The following WDFY3 variants were observed in gnomAD, a reference collection of about 807,000 sequenced individuals.
WDFY3 encodes the protein WD repeat and FYVE domain containing 3, also known as WD repeat and FYVE domain-containing protein 3.
A neutral mutation model predicts 409.6 loss-of-function variants in WDFY3; 66 were observed. The observed-to-expected ratio is 0.16, with a 90% confidence interval of 0.13 to 0.20. The LOEUF (loss-of-function observed/expected upper bound fraction) is 0.20. WDFY3 is among the 10% of genes least tolerant of loss of function. The probability of loss-of-function intolerance (pLI) is 1.00; values close to 1 mark genes in which losing one functional copy is unlikely to be tolerated. For missense variants in WDFY3, 3,031 were observed against 4,298.1 expected, an observed-to-expected ratio of 0.71 and a Z score of 8.24; for synonymous variants, 1,521 against 1,537.1, an observed-to-expected ratio of 0.99 and a Z score of 0.25.
intron 50 of WDFY3, among the ~76,000 whole-genome samples, chr4:84,714,208 C>T (rs1188822184): frequency 6.6e-6 from 1 of 152,118 alleles, no homozygotes; most frequent in Non-Finnish European, 1.5e-5. Context: ...ACAACCTTGA[C>T]CTCCTGGGCT....
At chr4:84,682,172 C>T (rs1002774635) in intron 64 of WDFY3, among the ~76,000 whole-genome samples, 1 of 152,210 alleles carries the variant, frequency 6.6e-6, no homozygotes, top group Non-Finnish European at 1.5e-5. Context: ...CCACAAGACA[C>T]CACTACACTG....
chr4:84,713,696 C>G (rs1031472105), intron 50 of WDFY3, among the ~76,000 whole-genome samples: 1 of 152,204 alleles, frequency 6.6e-6, no homozygotes, highest in African/African-American at 2.4e-5. Flanking sequence ...TTGCCAGGAT[C>G]TGTATCACCC....
At chr4:84,905,096 G>A (rs547288495) in intron 2 of WDFY3, among the ~76,000 whole-genome samples, 1 of 152,222 alleles carries the variant, frequency 6.6e-6, no homozygotes, top group Non-Finnish European at 1.5e-5. Context: ...AGCACTTTGG[G>A]AGGCCAAGGC....
intron 1 of WDFY3, among the ~76,000 whole-genome samples, chr4:84,958,609 T>G (rs1774534043): frequency 6.6e-6 from 1 of 152,074 alleles, no homozygotes. Flanking sequence ...CTTGGCATAC[T>G]TCAAAAGCTT....
intron 30 of WDFY3, among the ~76,000 whole-genome samples, chr4:84,771,157 A>G (rs929673763): frequency 6.6e-6 from 1 of 152,150 alleles, no homozygotes; most frequent in Non-Finnish European, 1.5e-5. Context: ...GTTTTTAGAG[A>G]CAGAGTCTCA....
At chr4:84,888,101 T>C (rs1172796777) in intron 3 of WDFY3, among the ~76,000 whole-genome samples, 1 of 152,208 alleles carries the variant, frequency 6.6e-6, no homozygotes, top group Non-Finnish European at 1.5e-5. Flanking sequence ...AACTACATTT[T>C]CTTTTCCTTT....
chr4:84,958,297 A>G (rs1336805784), intron 1 of WDFY3, among the ~76,000 whole-genome samples: 1 of 152,236 alleles, frequency 6.6e-6, no homozygotes, highest in Non-Finnish European at 1.5e-5. Flanking sequence ...TTCCATGTCC[A>G]CATGAACTAG....
chr4:84,704,601 A>T (rs1731611532), intron 54 of WDFY3, among the ~76,000 whole-genome samples, 157 bp from the exon 55 acceptor site: 1 of 152,220 alleles, frequency 6.6e-6, no homozygotes, highest in African/African-American at 2.4e-5. Flanking sequence ...TCAGGACACC[A>T]CTACCCCTCT....
intron 3 of WDFY3, among the ~76,000 whole-genome samples, chr4:84,885,533 T>C (rs1764104530): frequency 6.6e-6 from 1 of 151,840 alleles, no homozygotes; most frequent in Non-Finnish European, 1.5e-5. Flanking sequence ...ATTTAAAATA[T>C]CCAAAACTGA....
intron 32 of WDFY3, among the ~76,000 whole-genome samples, chr4:84,757,439 C>T (rs989070477): frequency 2.0e-5 from 3 of 152,226 alleles, no homozygotes; most frequent in South Asian, 4.1e-4. Flanking sequence ...TCTTAAGGTG[C>T]TGTAAGTTCT....
chr4:84,728,515 G>A (rs545125688), intron 44 of WDFY3, among the ~76,000 whole-genome samples: 5 of 152,112 alleles, frequency 3.3e-5, no homozygotes, highest in South Asian at 4.2e-4. Context: ...GCAACAGAGC[G>A]ATAACTTGTC....
chr4:84,915,252 G>A (rs564110706), intron 2 of WDFY3, among the ~76,000 whole-genome samples: 8 of 152,124 alleles, frequency 5.3e-5, no homozygotes, highest in South Asian at 2.1e-4. Flanking sequence ...ATAGATAGTG[G>A]TGATGGTTAC....
intron 56 of WDFY3, among the ~76,000 whole-genome samples, chr4:84,697,691 T>C (rs1227692538): frequency 6.6e-6 from 1 of 152,232 alleles, no homozygotes; most frequent in Non-Finnish European, 1.5e-5. Flanking sequence ...AGAGTTTTTA[T>C]AGATACAAAT....
intron 14 of WDFY3, chr4:84,809,613 A>C: frequency 3.1e-6 from 1 of 325,040 alleles, no homozygotes; most frequent in Non-Finnish European, 5.6e-6. Flanking sequence ...AAACACTATC[A>C]TTAAAGGAAA....
At chr4:84,850,162 T>C (rs760642435) in intron 4 of WDFY3, 137 bp from the exon 5 acceptor site, 139 of 859,276 alleles carry the variant, frequency 1.6e-4, no homozygotes, top group Admixed American at 3.6e-4. Flanking sequence ...TCTTAATATG[T>C]TGAAAATACA....
At chr4:84,956,584 A>T (rs753828798) in intron 1 of WDFY3, among the ~76,000 whole-genome samples, 1 of 152,224 alleles carries the variant, frequency 6.6e-6, no homozygotes, top group African/African-American at 2.4e-5. Context: ...ATTATTTTTT[A>T]AAATCCTCAC....
At chr4:84,922,805 G>A (rs1348728146) in intron 2 of WDFY3, among the ~76,000 whole-genome samples, 1 of 152,040 alleles carries the variant, frequency 6.6e-6, no homozygotes, top group Non-Finnish European at 1.5e-5. Context: ...GACTACAGGT[G>A]TGCACCACCA....
chr4:84,709,391 T>C lies in WDFY3; in HGVS notation c.8043-44A>G, dbSNP rs531270614. On this transcript the variant is annotated intron_variant, in intron 51 of 67. Transcript: ENST00000295888. ...ACAATAAATTACAAGCAATAAAATT[T>C]TAAATCTGAAAAATTATAAAGTTGA... 1.9e-6 allele frequency: 3 copies of C among 1,543,936 alleles called. No individual in the cohort carries two copies. In the East Asian group the frequency reaches 6.8e-5, roughly 35 times the overall value.
In WDFY3 at chr4:84,733,669, T is replaced by C. The variant is rs376254443; in HGVS notation, c.6994-60A>G. On this transcript the variant is annotated intron_variant, in intron 43 of 67. Transcript: ENST00000295888. ...AAAGCAGGAGTAACAGTAACAAGTC[T>C]ACAAGTCACTGAAAATCAAGTTATT... The C allele has an allele frequency of 2.0e-5, 29 of 1,442,490 alleles. No homozygotes were observed. The East Asian group carries it at 5.5e-4, about 28-fold the overall frequency. 89.4% of individuals were successfully genotyped at this position (1,442,490 alleles called of 1,614,324 possible). A position where few individuals can be genotyped will look rare whatever the true frequency, so the allele number is the denominator to read the frequency against.
Sources: allele counts gnomAD v4.1 joint callset (sites outside exome capture counted in the v4.1 genomes callset), GRCh38; gene constraint gnomAD v4.1.1; transcripts MANE v1.5; gene names NCBI Gene and HGNC (gene_info 2026-07-23, HGNC 2026-07-21).